Variants in SPAG16 observed in about 807,000 individuals in gnomAD.
SPAG16 encodes the protein sperm-associated antigen 16 protein.
Under a neutral mutation model 80.4 loss-of-function variants are expected in SPAG16, and 86 were observed. The ratio of observed to expected loss-of-function variants is 1.07; its 90% CI spans 0.90 to 1.28. The LOEUF (loss-of-function observed/expected upper bound fraction) is 1.28. Among genes scored for constraint, SPAG16 ranks in the 50% most tolerant of loss-of-function variants. The pLI, the probability that SPAG16 is intolerant of heterozygous loss-of-function variation, is 0.00. For missense variants in SPAG16, 870 were observed against 765.3 expected, an observed-to-expected ratio of 1.14 and a Z score of -1.61; for synonymous variants, 294 against 265.9, an observed-to-expected ratio of 1.11 and a Z score of -1.03.
chr2:213,450,968 C>A (rs1208956392), intron 9 of SPAG16, among the ~76,000 whole-genome samples: 1 of 152,038 alleles, frequency 6.6e-6, no homozygotes, highest in East Asian at 1.9e-4. Context: ...AAACCTGAAG[C>A]AAAATTGATC....
chr2:213,778,141 T>C (rs2069718219), intron 10 of SPAG16, among the ~76,000 whole-genome samples: 2 of 152,016 alleles, frequency 1.3e-5, no homozygotes, highest in Non-Finnish European at 2.9e-5. Flanking sequence ...TTCTTAAATA[T>C]CCTGATACTA....
At chr2:213,894,478 T>C (rs1208353298) in intron 11 of SPAG16, among the ~76,000 whole-genome samples, 2 of 152,100 alleles carry the variant, frequency 1.3e-5, no homozygotes, top group African/African-American at 4.8e-5. Flanking sequence ...AGCCCATAGC[T>C]AACACTTTAC....
chr2:214,348,539 C>G (rs144632395), intron 15 of SPAG16, among the ~76,000 whole-genome samples: 277 of 152,246 alleles, frequency 1.8e-3, no homozygotes, highest in African/African-American at 6.4e-3. Context: ...TTTTTATTTG[C>G]TGAAATGTTC....
chr2:213,509,270 T>C (rs2075121772), intron 10 of SPAG16, among the ~76,000 whole-genome samples: 1 of 152,072 alleles, frequency 6.6e-6, no homozygotes, highest in Non-Finnish European at 1.5e-5. Context: ...TGCTGGGATT[T>C]CTATACAATA....
At chr2:214,277,754 C>T (rs1431745446) in intron 15 of SPAG16, among the ~76,000 whole-genome samples, 3 of 152,222 alleles carry the variant, frequency 2.0e-5, no homozygotes, top group Non-Finnish European at 4.4e-5. Flanking sequence ...AGTTAGGCTA[C>T]ACAGGGGTCA....
chr2:213,376,235 G>A (rs1324484727), intron 9 of SPAG16, among the ~76,000 whole-genome samples: 4 of 151,654 alleles, frequency 2.6e-5, no homozygotes, highest in Non-Finnish European at 2.9e-5. Context: ...ATCTTCTAAC[G>A]GTATAAGTAT....
At chr2:213,374,602 A>G (rs2066795847) in intron 8 of SPAG16, among the ~76,000 whole-genome samples, 1 of 151,638 alleles carries the variant, frequency 6.6e-6, no homozygotes, top group South Asian at 2.1e-4. Context: ...TGAAGCATAG[A>G]CAATAATATT....
At chr2:213,818,819 GT>G (rs1373400712) in intron 10 of SPAG16, among the ~76,000 whole-genome samples, 1 of 152,070 alleles carries the variant, frequency 6.6e-6, no homozygotes, top group Non-Finnish European at 1.5e-5. Flanking sequence ...AAAAGTGGCA[GT>G]TTCCCCTGTG....
chr2:213,779,001 A>C (rs1402207576), intron 10 of SPAG16, among the ~76,000 whole-genome samples: 2 of 152,198 alleles, frequency 1.3e-5, no homozygotes, highest in African/African-American at 4.8e-5. Flanking sequence ...AATTCTTCAA[A>C]AGTAAAGTTA....
intron 1 of SPAG16, among the ~76,000 whole-genome samples, chr2:213,295,220 C>A (rs1183053030): frequency 2.6e-5 from 4 of 151,756 alleles, no homozygotes; most frequent in Non-Finnish European, 4.4e-5. Context: ...TCAGTGTAAT[C>A]GAAAAAAATG....
chr2:213,318,240 A>G (rs1264650218), intron 5 of SPAG16, among the ~76,000 whole-genome samples: 1 of 152,054 alleles, frequency 6.6e-6, no homozygotes, highest in Non-Finnish European at 1.5e-5. Flanking sequence ...TAACAAAGTC[A>G]TGGAATCAAC....
At chr2:213,445,307 G>GA (rs749365583) in intron 9 of SPAG16, among the ~76,000 whole-genome samples, 3 of 152,280 alleles carry the variant, frequency 2.0e-5, no homozygotes, top group African/African-American at 7.2e-5. Context: ...AAGTTCAATA[G>GA]AAAAAACCTC....
At chr2:214,269,097 G>A (rs564618789) in intron 15 of SPAG16, among the ~76,000 whole-genome samples, 1 of 151,986 alleles carries the variant, frequency 6.6e-6, no homozygotes, top group Admixed American at 6.5e-5. Flanking sequence ...TTATCATGGT[G>A]GACATTTATG....
chr2:213,781,293 T>C (rs893770991), intron 10 of SPAG16, among the ~76,000 whole-genome samples: 1 of 152,178 alleles, frequency 6.6e-6, no homozygotes, highest in Non-Finnish European at 1.5e-5. Context: ...TGAAAACTTA[T>C]ATAGAATATT....
intron 13 of SPAG16, among the ~76,000 whole-genome samples, chr2:214,027,278 A>G (rs947343445): frequency 5.3e-5 from 8 of 151,550 alleles, no homozygotes; most frequent in Non-Finnish European, 1.5e-5. Flanking sequence ...ACTGAACAGC[A>G]TAACTTGAAA....
chr2:214,267,181 A>T (rs1445414168), intron 15 of SPAG16, among the ~76,000 whole-genome samples: 1 of 151,804 alleles, frequency 6.6e-6, no homozygotes, highest in Non-Finnish European at 1.5e-5. Context: ...AAAAAAGATT[A>T]AAAAGATTAA....
At chr2:214,113,859 TC>T (rs1476707230) in intron 14 of SPAG16, among the ~76,000 whole-genome samples, 10 of 152,188 alleles carry the variant, frequency 6.6e-5, no homozygotes, top group Admixed American at 5.9e-4. Context: ...CCAGCTTTGT[TC>T]CATTGCTGGT....
rs1484012292 is a variant in SPAG16, at chr2:214,010,117, A to G, written c.1401-3834A>G. Among the ~76,000 whole-genome samples the G allele has an allele frequency of 1.4e-5, 2 of 146,020 alleles. 1 individual carries two copies. Among genetic ancestry groups the G allele is most frequent in the Non-Finnish European group, 3.0e-5 (2 of 67,340 alleles). On this transcript the variant is annotated intron_variant, in intron 12 of 15. Coordinates refer to ENST00000331683, the MANE Select transcript of SPAG16 (RefSeq NM_024532.5). ...AATGTCAAAAGAGTTAAAATATTTT[A>G]TTATGATTTGTAAGATGATAGATGC...
At chr2:213,478,218 G>A (rs1179113119) in intron 9 of SPAG16, among the ~76,000 whole-genome samples, 2 of 152,120 alleles carry the variant, frequency 1.3e-5, no homozygotes, top group Non-Finnish European at 1.5e-5. Context: ...TTTCTTCATA[G>A]CAGTGTGAGA....
Sources: allele counts gnomAD v4.1 joint callset (sites outside exome capture counted in the v4.1 genomes callset), GRCh38; gene constraint gnomAD v4.1.1; transcripts MANE v1.5; gene names NCBI Gene and HGNC (gene_info 2026-07-23, HGNC 2026-07-21).